The following MARK4 variants were observed in gnomAD, a reference collection of about 807,000 sequenced individuals.
MARK4 encodes microtubule affinity regulating kinase 4.
Under a neutral mutation model 81.5 loss-of-function variants are expected in MARK4, and 19 were observed. That is an observed-to-expected ratio of 0.23 (90% CI 0.16 to 0.34). The LOEUF (loss-of-function observed/expected upper bound fraction) is 0.34. Ranked by LOEUF, MARK4 falls within the 10% of genes least tolerant of loss-of-function variation. MARK4 has a pLI of 1.00. For synonymous variants in MARK4, 436 were observed against 439.0 expected (o/e 0.99, Z 0.08); for missense variants, 772 against 1,058.8 (o/e 0.73, Z 3.76).
At chr19:45,293,235 C>T (rs781079725) in intron 13 of MARK4, among the ~76,000 whole-genome samples, 1 of 152,146 alleles carries the variant, frequency 6.6e-6, no homozygotes, top group African/African-American at 2.4e-5. Flanking sequence ...CATTGCACTC[C>T]AGCCTGGGCA....
At chr19:45,268,899 C>T (rs1239730919) in intron 7 of MARK4, among the ~76,000 whole-genome samples, 1 of 152,158 alleles carries the variant, frequency 6.6e-6, no homozygotes, top group Non-Finnish European at 1.5e-5. Flanking sequence ...TCCACACGGC[C>T]CTGGAGGCAG....
chr19:45,290,794 C>T (rs1174373215), intron 13 of MARK4, among the ~76,000 whole-genome samples: 3 of 152,226 alleles, frequency 2.0e-5, no homozygotes, highest in Non-Finnish European at 4.4e-5. Flanking sequence ...CTGCCACCAC[C>T]TGTGAGGACT....
intron 16 of MARK4, among the ~76,000 whole-genome samples, chr19:45,301,544 C>T (rs892956661): frequency 1.9e-5 from 2 of 107,984 alleles, no homozygotes; most frequent in South Asian, 3.1e-4. Flanking sequence ...GCGACAAGAG[C>T]GAAACTCTGT....
At position 45,263,357 on chromosome 19, in the gene MARK4, C is replaced by A; in HGVS notation, c.345C>A (p.His115Gln). 6.2e-7 allele frequency: 1 copy of A among 1,614,182 alleles called. No homozygotes were observed. Among genetic ancestry groups the A allele is most frequent in the Non-Finnish European group, 8.5e-7 (1 of 1,180,022 alleles). ...TCCGCATCATGAAGGGCCTAAACCA[C>A]CCCAACATCGGTGAGGAGGGAATGG... is the stretch of plus-strand genomic sequence containing the variant. ...REVRIMKGLN[H>Q]PNIVKLFEVI... The change falls in exon 4 of 17, where the codon CAC becomes CAA. Residue 115 changes from histidine to glutamine, a missense_variant. Physicochemically the swap from His to Gln is conservative, Grantham distance 24. This residue lies in a region of MARK4 where 109 missense variants were observed against 294.7 expected (regional missense o/e 0.37). Coordinates refer to ENST00000262891, the MANE Select transcript of MARK4 (RefSeq NM_001199867.2).
chr19:45,265,024 G>A, intron 6 of MARK4, 114 bp downstream of exon 6: 5 of 1,021,830 alleles, frequency 4.9e-6, no homozygotes, highest in Non-Finnish European at 7.5e-6. Context: ...CTTAAGTCTG[G>A]GCAGGGGTGA....
intron 1 of MARK4, among the ~76,000 whole-genome samples, chr19:45,256,591 G>C (rs1970310307): frequency 6.6e-6 from 1 of 152,202 alleles, no homozygotes; most frequent in South Asian, 2.1e-4. Context: ...GACAGTTGAT[G>C]GGTAAAATAG....
At position 45,303,065 on chromosome 19, in the gene MARK4, G is replaced by T; in HGVS notation, c.*355G>T. 3.5e-6 allele frequency: 1 copy of T among 286,418 alleles called. No homozygotes were observed. The highest frequency in any genetic ancestry group is 6.6e-6 in the Non-Finnish European group (1 of 152,220). 17.7% of individuals were successfully genotyped at this position (286,418 alleles called of 1,614,324 possible). A position where few individuals can be genotyped will look rare whatever the true frequency, so the allele number is the denominator to read the frequency against. The stretch of plus-strand genomic sequence containing the variant: ...CAGCTCAAAATTAGGCCTTGGGCAG[G>T]GGCAGGGAGAGCTGCTGAGCCTAAA... On this transcript the variant is annotated 3_prime_UTR_variant, in exon 17 of 17. Transcript: ENST00000262891.
intron 1 of MARK4, among the ~76,000 whole-genome samples, chr19:45,253,473 G>A (rs1970270087): frequency 6.6e-6 from 1 of 152,158 alleles, no homozygotes; most frequent in African/African-American, 2.4e-5. Context: ...TGGAAAATAG[G>A]GGTGACCGCT....
chr19:45,275,636 G>C (rs997576454), intron 8 of MARK4, among the ~76,000 whole-genome samples: 2 of 152,210 alleles, frequency 1.3e-5, no homozygotes, highest in Non-Finnish European at 2.9e-5. Context: ...TCACGTGATA[G>C]GCAGTGTGGC....
chr19:45,271,596 A>T lies in MARK4; in HGVS notation c.674A>T (p.Glu225Val). ...FCGSPPYAAP[E>V]LFQGKKYDGP... ...GGGAGCCCCCCATATGCCGCCCCGG[A>T]GCTGTTTCAGGGCAAGAAGTACGAC... The change falls in exon 8 of 17, where the codon GAG becomes GTG. Residue 225 changes from glutamate to valine, a missense_variant. Glu to Val is a moderately radical substitution (Grantham distance 121, BLOSUM62 -2). This residue lies in a region of MARK4 where 109 missense variants were observed against 294.7 expected (regional missense o/e 0.37). Coordinates refer to ENST00000262891, the MANE Select transcript of MARK4 (RefSeq NM_001199867.2). The surrounding 1 kb of genome is among the most constrained non-coding windows in gnomAD (Gnocchi z 4.1). 6.2e-7 allele frequency: 1 copy of T among 1,614,160 alleles called. No homozygotes were observed. The highest frequency in any genetic ancestry group is 2.2e-5 in the East Asian group (1 of 44,888).
chr19:45,294,096 T>A (rs1970853649), intron 13 of MARK4, among the ~76,000 whole-genome samples: 1 of 152,086 alleles, frequency 6.6e-6, no homozygotes, highest in African/African-American at 2.4e-5. Context: ...CCTGGAAACC[T>A]TCCCTGCCTC....
chr19:45,295,145 C>T (rs1030778745), intron 14 of MARK4, among the ~76,000 whole-genome samples: 2 of 150,676 alleles, frequency 1.3e-5, no homozygotes, highest in African/African-American at 4.9e-5. Context: ...GTCAGGAGAT[C>T]GAGACCATCC....
chr19:45,278,692 C>T, intron 10 of MARK4, 77 bp downstream of exon 10: 7 of 1,087,304 alleles, frequency 6.4e-6, no homozygotes, highest in Non-Finnish European at 4.2e-6. Context: ...CAACCTCCGC[C>T]TCCCAGAATC....
At position 45,297,816 on chromosome 19, in the gene MARK4, G is replaced by A; in HGVS notation, c.1739G>A (p.Gly580Glu). ...HGGQVRDRRA[G>E]GGGGGGVQNG... ...GGCCAGGTCCGGGACCGGCGGGCAG[G>A]GGGTGGGGGTGGTGGGGGTGTGCAG... Residue 580 changes from glycine (G) to glutamate (E), a missense_variant, in exon 15 of 17, where the codon GGG becomes GAG. This residue lies in a region of MARK4 where 548 missense variants were observed against 624.3 expected (regional missense o/e 0.88). Coordinates refer to ENST00000262891, the MANE Select transcript of MARK4 (RefSeq NM_001199867.2). 1 of 1,541,770 alleles carries A rather than the reference G, an allele frequency of 6.5e-7. No homozygotes were observed. Among genetic ancestry groups the A allele is most frequent in the South Asian group, 1.2e-5 (1 of 83,394 alleles).
Position 45,297,807 on chromosome 19 carries a change from G to T in MARK4, c.1730G>T (p.Arg577Leu). 1.3e-6 allele frequency: 2 copies of T among 1,548,002 alleles called. No homozygotes were observed. Among genetic ancestry groups the T allele is most frequent in the East Asian group, 2.4e-5 (1 of 42,216 alleles). Residue 577 changes from arginine (R) to leucine (L), a missense_variant, in exon 15 of 17, where the codon CGG becomes CTG. Physicochemically the swap from Arg to Leu is moderately radical, Grantham distance 102 (BLOSUM62 -2). Coordinates refer to ENST00000262891, the MANE Select transcript of MARK4 (RefSeq NM_001199867.2). ...STFHGGQVRD[R>L]RAGGGGGGGV... ...TTCCATGGTGGCCAGGTCCGGGACC[G>T]GCGGGCAGGGGGTGGGGGTGGTGGG...
rs543290641 is a variant in MARK4 at position 45,258,843 on chromosome 19, A to C, written c.52-146A>C. On this transcript the variant is annotated intron_variant, in intron 1 of 16. Transcript: ENST00000262891. ...TCCTGGAGGCGTCTTTTTGTAGAGA[A>C]AGATGAAGGATGCTTGGCTCTCTGG... 5.4e-5 allele frequency: 44 copies of C among 815,564 alleles called. No individual in the cohort carries two copies. The East Asian group carries it at 1.2e-3, about 23-fold the overall frequency. 50.5% of individuals were successfully genotyped at this position (815,564 alleles called of 1,614,324 possible).
At chr19:45,283,197 C>T (rs1219149918) in intron 12 of MARK4, among the ~76,000 whole-genome samples, 6 of 151,762 alleles carry the variant, frequency 4.0e-5, no homozygotes, top group Admixed American at 2.0e-4. Context: ...ATCACCTGAG[C>T]GCAGGAGTTC....
chr19:45,277,744 G>C lies in MARK4; in HGVS notation c.787-179G>C, dbSNP rs555414201. Among the ~76,000 whole-genome samples the C allele has an allele frequency of 4.0e-5, 6 of 151,878 alleles. No individual in the cohort carries two copies. In the East Asian group the frequency reaches 1.2e-3, roughly 29 times the overall value. The stretch of plus-strand genomic sequence containing the variant: ...GACAGGGAACTGAGGTCAGGAGAAA[G>C]GAATGGGGTTTTGCTTACCTCGTCA... On this transcript the variant is annotated intron_variant, in intron 8 of 16. Transcript: ENST00000262891.
At chr19:45,273,584 T>C (rs533821520) in intron 8 of MARK4, among the ~76,000 whole-genome samples, 5 of 152,344 alleles carry the variant, frequency 3.3e-5, no homozygotes, top group African/African-American at 1.2e-4. Flanking sequence ...GTGTCTCCTT[T>C]CATCCGGAAC....
Sources: gnomAD v4.1 joint callset for allele counts (sites outside exome capture counted in the v4.1 genomes callset) on GRCh38, gnomAD v4.1.1 for gene constraint, gnomAD v4.1.1 regional missense constraint, Gnocchi (gnomAD v3.1) non-coding constraint, MANE v1.5 for transcripts, NCBI Gene and HGNC (gene_info 2026-07-23, HGNC 2026-07-21) for gene names.